The following PCCA variants were observed in gnomAD, a reference collection of about 807,000 sequenced individuals.
The protein encoded by PCCA is propionyl-CoA carboxylase alpha chain, mitochondrial.
PCCA carries 74 observed loss-of-function variants against 101.3 expected under a neutral mutation model. The observed-to-expected ratio is 0.73, with a 90% CI of 0.61 to 0.89. PCCA has a LOEUF of 0.89. PCCA is among the 40% of genes least tolerant of loss of function. PCCA has a pLI of 0.00. For missense variants in PCCA, 891 were observed against 907.0 expected, an observed-to-expected ratio of 0.98 and a Z score of 0.23; for synonymous variants, 294 against 313.6, an observed-to-expected ratio of 0.94 and a Z score of 0.66.
In PCCA at chr13:100,383,356, G is replaced by A. The variant is rs139579402; in HGVS notation, c.1746+14782G>A. 7.5e-4 allele frequency among the ~76,000 whole-genome samples: 114 copies of A among 152,048 alleles called. 1 individual carries two copies. Among genetic ancestry groups the A allele is most frequent in the Middle Eastern group, 3.4e-3 (1 of 294 alleles). On this transcript the variant is annotated intron_variant, in intron 19 of 23. Coordinates refer to ENST00000376285, the MANE Select transcript of PCCA (RefSeq NM_000282.4). ...CAATATAAGATTTGAGACTGGGTGC[G>A]TGGCTCACGCCTGTAATCCCAGCAC... is the stretch of plus-strand genomic sequence containing the variant.
At chr13:100,451,179 T>A (rs1237063220) in intron 21 of PCCA, among the ~76,000 whole-genome samples, 1 of 151,462 alleles carries the variant, frequency 6.6e-6, no homozygotes, top group Non-Finnish European at 1.5e-5. Context: ...TGGAGGGTGA[T>A]CTGCTAAACT....
intron 19 of PCCA, among the ~76,000 whole-genome samples, chr13:100,395,386 C>G (rs1266722521): frequency 6.6e-6 from 1 of 152,078 alleles, no homozygotes; most frequent in African/African-American, 2.4e-5. Flanking sequence ...AACTCAGTGG[C>G]AAGGGATATA....
chr13:100,525,369 G>A (rs2087706496), intron 22 of PCCA, among the ~76,000 whole-genome samples: 1 of 152,198 alleles, frequency 6.6e-6, no homozygotes, highest in African/African-American at 2.4e-5. Context: ...GCAGTTACCT[G>A]TGCGTTACCT....
chr13:100,416,424 C>T (rs927699733), intron 19 of PCCA, among the ~76,000 whole-genome samples: 20 of 152,180 alleles, frequency 1.3e-4, no homozygotes, highest in African/African-American at 3.1e-4. Flanking sequence ...TCAAGTACTC[C>T]GCCCGCCTCG....
chr13:100,187,327 C>G (rs1402642650), intron 6 of PCCA, among the ~76,000 whole-genome samples: 1 of 152,102 alleles, frequency 6.6e-6, no homozygotes, highest in Non-Finnish European at 1.5e-5. Context: ...TATGTTCAGA[C>G]CAACATGGGA....
At chr13:100,264,375 T>A (rs1004214953) in intron 10 of PCCA, among the ~76,000 whole-genome samples, 7 of 152,098 alleles carry the variant, frequency 4.6e-5, no homozygotes, top group Admixed American at 4.6e-4. Flanking sequence ...CAGGTCTAGA[T>A]AGAGAATGTC....
intron 6 of PCCA, among the ~76,000 whole-genome samples, chr13:100,201,133 T>TA (rs1055525866): frequency 1.3e-5 from 2 of 151,512 alleles, no homozygotes; most frequent in East Asian, 1.9e-4. Flanking sequence ...CCTGTAATAT[T>TA]AAAAAAAAAG....
intron 19 of PCCA, among the ~76,000 whole-genome samples, chr13:100,384,797 A>T (rs2076411396): frequency 6.6e-6 from 1 of 152,130 alleles, no homozygotes; most frequent in South Asian, 2.1e-4. Flanking sequence ...CCTATGGCTT[A>T]AATACAGAGA....
intron 17 of PCCA, among the ~76,000 whole-genome samples, chr13:100,331,934 ATTT>A (rs34411352): frequency 2.5e-3 from 227 of 89,764 alleles, no homozygotes; most frequent in African/African-American, 0.01. Context: ...ATTACTTTGG[ATTT>A]TTTTTTTTTT....
At position 100,415,269 on chromosome 13, in the gene PCCA, T is replaced by C. The variant is rs915347935; in HGVS notation, c.1747-10364T>C. Among the ~76,000 whole-genome samples the C allele has an allele frequency of 6.1e-5, 9 of 148,702 alleles. 1 individual carries two copies. In the South Asian group the frequency reaches 1.9e-3, roughly 31 times the overall value. On this transcript the variant is annotated intron_variant, in intron 19 of 23. Coordinates refer to ENST00000376285, the MANE Select transcript of PCCA (RefSeq NM_000282.4). ...AAAAAAAAAAAAAATTAGCCAGGCA[T>C]GATGGCAAACATCTGTAACCCCAGC...
In PCCA at chr13:100,095,302, G is replaced by GC. The variant is rs2046669120; in HGVS notation, c.105+6077_105+6078insC. Among the ~76,000 whole-genome samples the GC allele has an allele frequency of 3.3e-5, 5 of 152,236 alleles. No homozygotes were observed. The South Asian group carries it at 8.3e-4, about 25-fold the overall frequency. On this transcript the variant is annotated intron_variant, in intron 1 of 23. Transcript: ENST00000376285. ...TATTGGCAAAGACACTTTATCACAG[G>GC]TTCCAGGACGTGGACACATCATTTT... is the stretch of plus-strand genomic sequence containing the variant.
intron 7 of PCCA, among the ~76,000 whole-genome samples, chr13:100,234,121 A>T (rs2060645183): frequency 6.6e-6 from 1 of 151,938 alleles, no homozygotes; most frequent in African/African-American, 2.4e-5. Context: ...ATCAGCCATC[A>T]CTCTTCCTGT....
At chr13:100,424,047 G>T (rs1482997734) in intron 19 of PCCA, among the ~76,000 whole-genome samples, 2 of 152,162 alleles carry the variant, frequency 1.3e-5, no homozygotes, top group Admixed American at 6.5e-5. Context: ...GCAGATATTT[G>T]GGGGAGCGGG....
intron 22 of PCCA, among the ~76,000 whole-genome samples, chr13:100,523,951 C>T (rs923714420): frequency 1.3e-5 from 2 of 152,242 alleles, no homozygotes; most frequent in African/African-American, 2.4e-5. Flanking sequence ...CTGATGGAGA[C>T]GGAATGGTGG....
chr13:100,137,421 T>C (rs75406865), intron 4 of PCCA, among the ~76,000 whole-genome samples: 130 of 152,346 alleles, frequency 8.5e-4, no homozygotes, highest in Non-Finnish European at 1.6e-3. Context: ...CTACTACTTG[T>C]CTTTCTTTTG....
chr13:100,377,125 C>T (rs900583125), intron 19 of PCCA, among the ~76,000 whole-genome samples: 5 of 152,146 alleles, frequency 3.3e-5, no homozygotes, highest in Admixed American at 2.6e-4. Context: ...TTAGCTTGCC[C>T]TTTGTGGGCT....
At chr13:100,416,190 GT>G (rs1292129478) in intron 19 of PCCA, among the ~76,000 whole-genome samples, 146 of 144,706 alleles carry the variant, frequency 1.0e-3, no homozygotes, top group Middle Eastern at 3.6e-3. Context: ...ATAAATCATG[GT>G]TTTTTTTTTT....
At position 100,426,695 on chromosome 13, in the gene PCCA, G is replaced by T. The variant is rs139547612; in HGVS notation, c.1845+964G>T. ...AGTAACCTTGAACTCTTGGTAATAAGCCCTATATTTTGACTTTGGTTTTGT... is the reference window on the plus strand; with the variant it reads ...AGTAACCTTGAACTCTTGGTAATAATCCCTATATTTTGACTTTGGTTTTGT... On this transcript the variant is annotated intron_variant, in intron 20 of 23. Transcript: ENST00000376285. Among the ~76,000 whole-genome samples, 484 of 152,042 alleles carry T rather than the reference G, an allele frequency of 3.2e-3. 2 individuals are homozygous for T. The highest frequency in any genetic ancestry group is 5.0e-3 in the Admixed American group (76 of 15,288).
At chr13:100,148,577 C>T (rs1003536589) in intron 4 of PCCA, among the ~76,000 whole-genome samples, 4 of 152,144 alleles carry the variant, frequency 2.6e-5, no homozygotes, top group African/African-American at 9.7e-5. Context: ...CTTGATGCTT[C>T]TACTAAGGGG....
Sources: allele counts gnomAD v4.1 joint callset (sites outside exome capture counted in the v4.1 genomes callset), GRCh38; gene constraint gnomAD v4.1.1; transcripts MANE v1.5; gene names NCBI Gene and HGNC (gene_info 2026-07-23, HGNC 2026-07-21).